Variants in PWWP2B observed in about 807,000 individuals in gnomAD.
PWWP2B encodes the protein PWWP domain-containing protein 2B.
Under a neutral mutation model 15.5 loss-of-function variants are expected in PWWP2B, and 9 were observed. The ratio of observed to expected loss-of-function variants is 0.58; its 90% CI spans 0.35 to 1.02. The LOEUF is 1.02. PWWP2B is among the 50% of genes least tolerant of loss of function. PWWP2B has a pLI of 0.02. For synonymous variants in PWWP2B, 474 were observed against 403.6 expected, an observed-to-expected ratio of 1.17 and a Z score of -2.09; for missense variants, 864 against 865.3, an observed-to-expected ratio of 1.00 and a Z score of 0.02.
Position 132,406,064 on chromosome 10 carries a change from T to G in PWWP2B, c.1564T>G (p.Ser522Ala). 6.2e-7 allele frequency: 1 copy of G among 1,613,560 alleles called. No individual in the cohort carries two copies. Among genetic ancestry groups the G allele is most frequent in the Non-Finnish European group, 8.5e-7 (1 of 1,179,802 alleles). Residue 522 changes from serine to alanine, a missense_variant, in exon 2 of 3, where the codon TCT (serine) becomes GCT (alanine). Transcript: ENST00000305233. ...CGGCCAGAAGGAGGACGGAGAGCCG[T>G]CTTGGCGAGAAGCGAAGGTCTCGTG... ...SLGQKEDGEP[S>A]WREAKVSWFG...
At position 132,417,185 on chromosome 10, in the gene PWWP2B, C is replaced by T. The variant is rs1346857283; in HGVS notation, c.*141C>T. On this transcript the variant is annotated 3_prime_UTR_variant, in exon 3 of 3. Coordinates refer to ENST00000305233, the MANE Select transcript of PWWP2B (RefSeq NM_138499.4). ...CACGGTGGTCGGCCTGGTGTGAGGCCCCCCGGGGACCGGCAGTGTGTCCAG... is the reference window on the plus strand; with the variant it reads ...CACGGTGGTCGGCCTGGTGTGAGGCTCCCCGGGGACCGGCAGTGTGTCCAG... 1.6e-6 allele frequency: 2 copies of T among 1,251,514 alleles called. No individual in the cohort carries two copies. The highest frequency in any genetic ancestry group is 1.7e-5 in the Admixed American group (1 of 58,584). The allele number at this position is 1,251,514 out of a possible 1,614,324, so 77.5% of individuals were successfully genotyped here.
chr10:132,406,053 A>T lies in PWWP2B; in HGVS notation c.1553A>T (p.Asp518Val). The T allele has an allele frequency of 6.2e-7, 1 of 1,613,590 alleles. No homozygotes were observed. Among genetic ancestry groups the T allele is most frequent in the Non-Finnish European group, 8.5e-7 (1 of 1,179,844 alleles). The change falls in exon 2 of 3, where the codon GAC becomes GTC. Residue 518 changes from aspartate to valine, a missense_variant. Coordinates refer to ENST00000305233, the MANE Select transcript of PWWP2B (RefSeq NM_138499.4). Reference sequence around the variant, plus strand: ...GACATCAGTCTCGGCCAGAAGGAGGACGGAGAGCCGTCTTGGCGAGAAGCG... The same window carrying T: ...GACATCAGTCTCGGCCAGAAGGAGGTCGGAGAGCCGTCTTGGCGAGAAGCG... ...VLDISLGQKE[D>V]GEPSWREAKV...
At chr10:132,410,034 G>T (rs972281826) in intron 2 of PWWP2B, among the ~76,000 whole-genome samples, 1 of 152,218 alleles carries the variant, frequency 6.6e-6, no homozygotes, top group Admixed American at 6.5e-5. Context: ...AGACAGAGGA[G>T]TGAGATGGTC....
chr10:132,399,330 C>A (rs1038109481), intron 1 of PWWP2B, among the ~76,000 whole-genome samples: 3 of 152,254 alleles, frequency 2.0e-5, no homozygotes, highest in African/African-American at 7.2e-5. Flanking sequence ...GGTCCCAGCA[C>A]AACCGGCGCT....
At chr10:132,401,709 C>T (rs1240815027) in intron 1 of PWWP2B, among the ~76,000 whole-genome samples, 5 of 152,260 alleles carry the variant, frequency 3.3e-5, no homozygotes, top group Non-Finnish European at 7.3e-5. Context: ...TGGAGACCCC[C>T]GTGGGTACCC....
rs1397754411 is a variant in PWWP2B, at chr10:132,404,808, C to T, written c.308C>T (p.Pro103Leu). Residue 103 changes from proline (P) to leucine (L), a missense_variant, in exon 2 of 3, where the codon CCG (proline) becomes CTG (leucine). Pro to Leu is a moderately conservative substitution (Grantham distance 98). Transcript: ENST00000305233. ...PPETTRPEPP[P>L]PLVPPLPAGS... ...GAGACCACCCGCCCCGAGCCACCCCCGCCCCTCGTGCCGCCGCTGCCCGCC... is the reference window on the plus strand; with the variant it reads ...GAGACCACCCGCCCCGAGCCACCCCTGCCCCTCGTGCCGCCGCTGCCCGCC... The T allele has an allele frequency of 2.5e-5, 39 of 1,541,446 alleles. No homozygotes were observed. Among genetic ancestry groups the T allele is most frequent in the Non-Finnish European group, 3.2e-5 (37 of 1,139,918 alleles).
In PWWP2B at chr10:132,405,640, G is replaced by C. The variant is rs1445468989; in HGVS notation, c.1140G>C (p.Leu380Phe). 1.9e-6 allele frequency: 3 copies of C among 1,612,406 alleles called. No individual in the cohort carries two copies. The highest frequency in any genetic ancestry group is 2.5e-6 in the Non-Finnish European group (3 of 1,179,870). Reference protein sequence around the residue: ...ADGPAGGLADLSSGSSGEDDD... With the variant: ...ADGPAGGLADFSSGSSGEDDD... Reference sequence around the variant, plus strand: ...GCCCTGCCGGTGGGCTGGCGGACTTGTCTTCTGGAAGTTCGGGTGAGGACG... The same window carrying C: ...GCCCTGCCGGTGGGCTGGCGGACTTCTCTTCTGGAAGTTCGGGTGAGGACG... The change falls in exon 2 of 3, where the codon TTG becomes TTC. Residue 380 changes from leucine to phenylalanine, a missense_variant. By Grantham distance (22) the Leu-to-Phe change is conservative. This residue lies in a region of PWWP2B where 736 missense variants were observed against 687.7 expected (regional missense o/e 1.07). Transcript: ENST00000305233.
At chr10:132,411,315 C>T (rs867668921) in intron 2 of PWWP2B, among the ~76,000 whole-genome samples, 4 of 152,368 alleles carry the variant, frequency 2.6e-5, no homozygotes, top group East Asian at 1.9e-4. Context: ...CCGTAGATAG[C>T]GCGGGAGGGG....
Position 132,417,852 on chromosome 10 carries a change from GAA to G in PWWP2B, c.*814_*815del, listed in dbSNP as rs1239325950. The stretch of plus-strand genomic sequence containing the variant: ...GACCAAAAAGAATAAAGAAAGAAAA[GAA>G]AAAAATTAATCTGCTCTTTCTTTGT... On this transcript the variant is annotated 3_prime_UTR_variant, in exon 3 of 3. Transcript: ENST00000305233. The G allele has an allele frequency of 6.6e-6, 1 of 152,184 alleles. No homozygotes were observed. The highest frequency in any genetic ancestry group is 1.5e-5 in the Non-Finnish European group (1 of 68,014). 9.4% of individuals were successfully genotyped at this position (152,184 alleles called of 1,614,324 possible).
intron 2 of PWWP2B, among the ~76,000 whole-genome samples, chr10:132,414,032 CAG>C (rs1311792637): frequency 6.6e-6 from 1 of 152,224 alleles, no homozygotes; most frequent in African/African-American, 2.4e-5. Flanking sequence ...CTGGAGGCCT[CAG>C]TGACGCAGAG....
At chr10:132,401,494 G>C (rs781603438) in intron 1 of PWWP2B, among the ~76,000 whole-genome samples, 9 of 151,718 alleles carry the variant, frequency 5.9e-5, no homozygotes, top group Non-Finnish European at 1.0e-4. Context: ...GGCCCATCTA[G>C]CTCCAGGGCC....
chr10:132,412,146 G>A (rs1265044981), intron 2 of PWWP2B, among the ~76,000 whole-genome samples: 1 of 152,256 alleles, frequency 6.6e-6, no homozygotes, highest in Admixed American at 6.5e-5. Flanking sequence ...GTGCTGGGGT[G>A]TTTGGAGTTG....
intron 2 of PWWP2B, among the ~76,000 whole-genome samples, chr10:132,414,907 G>C (rs539770739): frequency 6.6e-6 from 1 of 152,264 alleles, no homozygotes; most frequent in Admixed American, 6.5e-5. Context: ...CGTTGGGCTG[G>C]GGACTGTGTC....
At chr10:132,407,542 G>A (rs115864150) in intron 2 of PWWP2B, among the ~76,000 whole-genome samples, 4 of 152,318 alleles carry the variant, frequency 2.6e-5, no homozygotes, top group South Asian at 4.1e-4. Context: ...TTGGGGTTCC[G>A]GCGGAAGCAG....
At chr10:132,408,715 G>A (rs1002613713) in intron 2 of PWWP2B, among the ~76,000 whole-genome samples, 6 of 152,362 alleles carry the variant, frequency 3.9e-5, no homozygotes, top group South Asian at 2.1e-4. Context: ...AGCAGTCACC[G>A]CAGGCACCAC....
At chr10:132,398,520 C>A (rs4381299) in intron 1 of PWWP2B, among the ~76,000 whole-genome samples, 22,227 of 152,304 alleles carry the variant, frequency 0.15, 2,090 homozygotes, top group Non-Finnish European at 0.22. Context: ...CCTGCCAGAC[C>A]TGCACCACCT....
intron 2 of PWWP2B, among the ~76,000 whole-genome samples, chr10:132,411,739 G>A (rs1297551082): frequency 1.3e-5 from 2 of 152,256 alleles, no homozygotes; most frequent in Non-Finnish European, 1.5e-5. Context: ...GGAGAGTGTG[G>A]TGCTCACTGG....
At chr10:132,413,619 C>G (rs566597891) in intron 2 of PWWP2B, among the ~76,000 whole-genome samples, 1 of 152,358 alleles carries the variant, frequency 6.6e-6, no homozygotes, top group East Asian at 1.9e-4. Flanking sequence ...GGGTCCACTC[C>G]CGTCCTGGTC....
At position 132,405,875 on chromosome 10, in the gene PWWP2B, A is replaced by G. The variant is rs138083892; in HGVS notation, c.1375A>G (p.Arg459Gly). The G allele has an allele frequency of 7.2e-4, 1,154 of 1,611,576 alleles. No individual in the cohort carries two copies. The highest frequency in any genetic ancestry group is 8.9e-4 in the Non-Finnish European group (1,051 of 1,179,182). ...CGGCGCGTCAGCGCCCTCGGTGTCC[A>G]GAGAGGCTCGCCAAACGGTGCCGCC... ...GHGASAPSVS[R>G]EARQTVPPLT... The change falls in exon 2 of 3, where the codon AGA becomes GGA. Residue 459 changes from arginine (R) to glycine (G), a missense_variant. Physicochemically the swap from Arg to Gly is moderately radical, Grantham distance 125. Transcript: ENST00000305233.
Sources: gnomAD v4.1 joint callset for allele counts (sites outside exome capture counted in the v4.1 genomes callset) on GRCh38, gnomAD v4.1.1 for gene constraint, gnomAD v4.1.1 regional missense constraint, MANE v1.5 for transcripts, NCBI Gene and HGNC (gene_info 2026-07-23, HGNC 2026-07-21) for gene names.